GPM6B: variants seen among roughly 807,000 people sequenced by gnomAD.
GPM6B encodes the protein neuronal membrane glycoprotein M6-b.
A neutral mutation model predicts 27.2 loss-of-function variants in GPM6B; 4 were observed. The observed-to-expected ratio is 0.15, with a 90% CI of 0.07 to 0.34. GPM6B has a LOEUF of 0.34. Ranked by LOEUF, GPM6B falls within the 10% of genes least tolerant of loss-of-function variation. The pLI, the probability that GPM6B is intolerant of heterozygous loss-of-function variation, is 1.00. For synonymous variants in GPM6B, 124 were observed against 103.1 expected, an observed-to-expected ratio of 1.20 and a Z score of -1.23; for missense variants, 183 against 261.9, an observed-to-expected ratio of 0.70 and a Z score of 2.08.
chrX:13,853,799 A>G (rs755370434), intron 1 of GPM6B, among the ~76,000 whole-genome samples: 3 of 110,622 alleles, frequency 2.7e-5, no homozygotes, highest in Non-Finnish European at 5.7e-5. Flanking sequence ...CCTCTGCCTA[A>G]ACATATTGAA....
intron 1 of GPM6B, among the ~76,000 whole-genome samples, chrX:13,935,565 C>A (rs1251218394): frequency 8.9e-6 from 1 of 111,752 alleles, no homozygotes; most frequent in Non-Finnish European, 1.9e-5. Flanking sequence ...GAAACAAAAT[C>A]CGCATTTCTC....
chrX:13,784,727 G>A (rs1415740164), intron 3 of GPM6B, among the ~76,000 whole-genome samples: 6 of 111,751 alleles, frequency 5.4e-5, no homozygotes, highest in South Asian at 3.7e-4. Flanking sequence ...GAGTCACTGC[G>A]ACTCCATTGA....
chrX:13,810,903 T>G (rs1173160193), intron 1 of GPM6B, among the ~76,000 whole-genome samples: 1 of 111,872 alleles, frequency 8.9e-6, no homozygotes, highest in Non-Finnish European at 1.9e-5. Context: ...TCACTTCTAT[T>G]TTATATTTTT....
intron 2 of GPM6B, among the ~76,000 whole-genome samples, chrX:13,805,117 A>G (rs2048999021): frequency 8.9e-6 from 1 of 111,799 alleles, no homozygotes; most frequent in Non-Finnish European, 1.9e-5. Flanking sequence ...GTGTAGGTGG[A>G]GATTGTTTCA....
In GPM6B at chrX:13,785,991, G is replaced by A. The variant is rs756954285; in HGVS notation, c.182-183C>T. ...TAGTTACCGTGATCTCACATTCTGC[G>A]GTGAGGACCCTGAGGCTCCAAAAGG... On this transcript the variant is annotated intron_variant, in intron 2 of 7. Coordinates refer to ENST00000316715, the MANE Select transcript of GPM6B (RefSeq NM_001001995.3). 8.0e-5 allele frequency among the ~76,000 whole-genome samples: 9 copies of A among 112,564 alleles called. No individual in the cohort carries two copies. The East Asian group carries it at 1.4e-3, about 17-fold the overall frequency.
chrX:13,870,609 A>T (rs2049965079), intron 1 of GPM6B, among the ~76,000 whole-genome samples: 1 of 112,464 alleles, frequency 8.9e-6, no homozygotes, highest in South Asian at 3.7e-4. Flanking sequence ...TGAACACAGA[A>T]AACAGAGCCC....
chrX:13,818,967 T>C (rs1259620068), upstream of GPM6B, among the ~76,000 whole-genome samples: 1 of 112,618 alleles, frequency 8.9e-6, no homozygotes, highest in African/African-American at 3.2e-5. Flanking sequence ...CATCTGATTA[T>C]AGAACCAGCA....
chrX:13,806,017 TGA>T (rs2049016171), intron 2 of GPM6B, among the ~76,000 whole-genome samples: 1 of 111,574 alleles, frequency 9.0e-6, no homozygotes, highest in African/African-American at 3.3e-5. Context: ...GCAGCTTTAC[TGA>T]GATATAATTT....
chrX:13,864,671 C>A (rs1255412709), intron 1 of GPM6B, among the ~76,000 whole-genome samples: 7 of 112,099 alleles, frequency 6.2e-5, no homozygotes, highest in African/African-American at 2.3e-4. Context: ...AAAGGGAGTG[C>A]AGGAAGTTAG....
intron 1 of GPM6B, among the ~76,000 whole-genome samples, chrX:13,860,582 G>C (rs1024114790): frequency 1.8e-5 from 2 of 110,376 alleles, no homozygotes; most frequent in Non-Finnish European, 3.8e-5. Flanking sequence ...ACTGTAAGAA[G>C]ATTTTTCCCA....
intron 1 of GPM6B, among the ~76,000 whole-genome samples, chrX:13,876,675 G>A (rs2050036681): frequency 9.0e-6 from 1 of 111,016 alleles, no homozygotes; most frequent in African/African-American, 3.3e-5. Flanking sequence ...TGACTCTGAA[G>A]GCAGAAGGAA....
intron 1 of GPM6B, among the ~76,000 whole-genome samples, chrX:13,863,037 C>T (rs1011746954): frequency 5.4e-5 from 6 of 111,520 alleles, no homozygotes; most frequent in Non-Finnish European, 1.1e-4. Context: ...TAGAAAGACA[C>T]ATAACCTTAA....
chrX:13,772,698 C>T lies in GPM6B; in HGVS notation c.*183G>A. On this transcript the variant is annotated 3_prime_UTR_variant, in exon 8 of 8. Transcript: ENST00000316715. ...TAACATGAAACCTCCAATATTTGTTCTAAAGAAAAAGATTTACCCACTGGA... is the reference window on the plus strand; with the variant it reads ...TAACATGAAACCTCCAATATTTGTTTTAAAGAAAAAGATTTACCCACTGGA... 1 of 354,485 alleles carries T rather than the reference C, an allele frequency of 2.8e-6. No individual in the cohort carries two copies. Among genetic ancestry groups the T allele is most frequent in the Non-Finnish European group, 4.9e-6 (1 of 205,793 alleles). The allele number at this position is 354,485 out of a possible 1,213,427, so 29.2% of individuals were successfully genotyped here.
upstream of GPM6B, among the ~76,000 whole-genome samples, chrX:13,817,897 G>A (rs2049264909): frequency 8.9e-6 from 1 of 111,933 alleles, no homozygotes; most frequent in Admixed American, 9.5e-5. Context: ...CTGACATTTT[G>A]GTAGTTTCTT....
intron 2 of GPM6B, among the ~76,000 whole-genome samples, chrX:13,807,418 G>A (rs756562058): frequency 8.9e-5 from 10 of 112,143 alleles, no homozygotes; most frequent in Non-Finnish European, 1.7e-4. Context: ...GTGAAAGAGG[G>A]AAGAGGGAAG....
intron 1 of GPM6B, among the ~76,000 whole-genome samples, chrX:13,816,551 A>G: frequency 9.0e-6 from 1 of 111,538 alleles, no homozygotes. Context: ...ACGATTAATT[A>G]TATTAATAAA....
intron 1 of GPM6B, among the ~76,000 whole-genome samples, chrX:13,900,411 G>T (rs891588352): frequency 1.7e-4 from 19 of 111,389 alleles, no homozygotes; most frequent in Middle Eastern, 4.6e-3. Flanking sequence ...ACTGGGAAGG[G>T]CTGGAGGGAG....
chrX:13,833,388 T>G (rs1274410224), intron 1 of GPM6B, among the ~76,000 whole-genome samples: 1 of 110,095 alleles, frequency 9.1e-6, no homozygotes, highest in African/African-American at 3.3e-5. Context: ...GAGAATAAGA[T>G]AGTGCAATGT....
At chrX:13,909,810 C>T (rs1323187970) in intron 1 of GPM6B, among the ~76,000 whole-genome samples, 3 of 111,773 alleles carry the variant, frequency 2.7e-5, no homozygotes, top group African/African-American at 9.8e-5. Flanking sequence ...TCTAAGTATA[C>T]ACTCTTAACT....
Sources: allele counts gnomAD v4.1 joint callset (sites outside exome capture counted in the v4.1 genomes callset), GRCh38; gene constraint gnomAD v4.1.1; transcripts MANE v1.5; gene names NCBI Gene and HGNC (gene_info 2026-07-23, HGNC 2026-07-21).